Variants in ZBTB4 observed in about 807,000 individuals in gnomAD.
ZBTB4 encodes zinc finger and BTB domain-containing protein 4.
In ZBTB4, 14 loss-of-function variants were observed where a neutral mutation model predicts 59.8. That is an observed-to-expected ratio of 0.23 (90% confidence interval 0.15 to 0.37). The LOEUF is 0.37. ZBTB4 is among the 10% of genes least tolerant of loss of function. The probability of loss-of-function intolerance (pLI) is 1.00; values close to 1 mark genes in which losing one functional copy is unlikely to be tolerated. For synonymous variants in ZBTB4, 587 were observed against 575.2 expected, an observed-to-expected ratio of 1.02 and a Z score of -0.29; for missense variants, 1,198 against 1,380.8, an observed-to-expected ratio of 0.87 and a Z score of 2.10.
At chr17:7,467,088 CTA>C in intron 2 of ZBTB4, 167 bp downstream of exon 2, 1 of 887,500 alleles carries the variant, frequency 1.1e-6, no homozygotes, top group South Asian at 5.2e-5. Flanking sequence ...AAGTCACAGA[CTA>C]GAGATGTAAG....
chr17:7,482,485 A>G (rs372436508), upstream of ZBTB4: 21 of 1,613,908 alleles, frequency 1.3e-5, no homozygotes, highest in Non-Finnish European at 1.8e-5. Flanking sequence ...GCAGCATCCT[A>G]GGACTAATCA....
chr17:7,480,156 G>C (rs1178307379), upstream of ZBTB4, among the ~76,000 whole-genome samples: 1 of 152,092 alleles, frequency 6.6e-6, no homozygotes, highest in East Asian at 1.9e-4. Context: ...GGGCACACAC[G>C]AACGACCACC....
At chr17:7,473,366 C>T (rs2070226457) in intron 1 of ZBTB4, among the ~76,000 whole-genome samples, 1 of 151,986 alleles carries the variant, frequency 6.6e-6, no homozygotes, top group Non-Finnish European at 1.5e-5. Context: ...CTGCCCACTT[C>T]GGCATCCCAA....
chr17:7,481,400 A>G (rs2150869684), upstream of ZBTB4: 2 of 1,303,254 alleles, frequency 1.5e-6, no homozygotes, highest in Non-Finnish European at 2.0e-6. Context: ...GCGTGCTACC[A>G]CCTCAGGAGA....
upstream of ZBTB4, chr17:7,479,685 C>CA (rs1567692932): frequency 2.0e-5 from 3 of 149,812 alleles, no homozygotes; most frequent in African/African-American, 7.5e-5. Context: ...ACAGTCCCCC[C>CA]CCAGCGCCGC....
chr17:7,472,363 G>C (rs2070210155), intron 1 of ZBTB4, among the ~76,000 whole-genome samples: 1 of 151,966 alleles, frequency 6.6e-6, no homozygotes, highest in Admixed American at 6.6e-5. Flanking sequence ...GCTAATTTTT[G>C]TATTTTTAGT....
At position 7,461,848 on chromosome 17, in the gene ZBTB4, G is replaced by C; in HGVS notation, c.*92C>G. On this transcript the variant is annotated 3_prime_UTR_variant, in exon 4 of 4. Coordinates refer to ENST00000380599, the MANE Select transcript of ZBTB4 (RefSeq NM_001128833.2). Reference sequence around the variant, plus strand: ...AAGTCCCTGCACAAGAGTGTGAAGGGGCTCCCAAGGGGCAGGGAGGCCAGG... The same window carrying C: ...AAGTCCCTGCACAAGAGTGTGAAGGCGCTCCCAAGGGGCAGGGAGGCCAGG... 1 of 1,204,194 alleles carries C rather than the reference G, an allele frequency of 8.3e-7. No individual in the cohort carries two copies. The highest frequency in any genetic ancestry group is 1.2e-6 in the Non-Finnish European group (1 of 859,572). The allele number at this position is 1,204,194 out of a possible 1,614,324, so 74.6% of individuals were successfully genotyped here. A position where few individuals can be genotyped will look rare whatever the true frequency, so the allele number is the denominator to read the frequency against.
upstream of ZBTB4, chr17:7,483,242 A>G: frequency 1.3e-6 from 1 of 753,174 alleles, no homozygotes; most frequent in South Asian, 1.9e-5. Flanking sequence ...ACTAAGGGGT[A>G]AAGTCTGAGG....
chr17:7,467,285 C>T lies in ZBTB4; in HGVS notation c.-38G>A, dbSNP rs137928317. ...AGAGCACAGCCAACATGGAGTGGGG[C>T]GGGGGGTGGCTCAGCGAGTCCCTTC... On this transcript the variant is annotated 5_prime_UTR_variant, in exon 2 of 4. Coordinates refer to ENST00000380599, the MANE Select transcript of ZBTB4 (RefSeq NM_001128833.2). 6.1e-6 allele frequency: 6 copies of T among 984,382 alleles called. No individual in the cohort carries two copies. Among genetic ancestry groups the T allele is most frequent in the African/African-American group, 3.5e-5 (2 of 57,342 alleles). 61.0% of individuals were successfully genotyped at this position (984,382 alleles called of 1,614,324 possible).
intron 1 of ZBTB4, among the ~76,000 whole-genome samples, chr17:7,479,210 G>C (rs2070310701): frequency 6.6e-6 from 1 of 151,972 alleles, no homozygotes; most frequent in Non-Finnish European, 1.5e-5. Context: ...CCAGGCGATC[G>C]CGTCCCACGG....
At chr17:7,481,911 C>G, upstream of ZBTB4, 1 of 1,524,628 alleles carries the variant, frequency 6.6e-7, no homozygotes. Context: ...GTCCCAGACC[C>G]CATCCTGGCA....
Position 7,466,097 on chromosome 17 carries a change from G to T in ZBTB4, c.705C>A (p.Pro235=). ...TGAAGCTTTTTCCACACTGGGGGCA[G>T]GGGAGGGGCCGCCGGGGCAGGGAGC... ...LQCSLPRRPL[P]CPQCGKSFIH... Residue 235 remains proline (P), a synonymous_variant, in exon 3 of 4, where the codon CCC becomes CCA. Coordinates refer to ENST00000380599, the MANE Select transcript of ZBTB4 (RefSeq NM_001128833.2). The surrounding 1 kb of genome is among the most constrained non-coding windows in gnomAD (Gnocchi z 9.1). The T allele has an allele frequency of 6.2e-7, 1 of 1,606,560 alleles. No individual in the cohort carries two copies. Among genetic ancestry groups the T allele is most frequent in the Non-Finnish European group, 8.5e-7 (1 of 1,175,630 alleles).
At chr17:7,465,262 T>G (rs952230262) in intron 3 of ZBTB4, among the ~76,000 whole-genome samples, 5 of 149,894 alleles carry the variant, frequency 3.3e-5, no homozygotes, top group Non-Finnish European at 5.9e-5. Flanking sequence ...TTCAAGACCA[T>G]CCTGACCAAC....
intron 1 of ZBTB4, among the ~76,000 whole-genome samples, chr17:7,467,844 C>G (rs553812353): frequency 6.6e-6 from 1 of 152,314 alleles, no homozygotes; most frequent in South Asian, 2.1e-4. Flanking sequence ...ATCCTTCCAG[C>G]CCCATAAATC....
upstream of ZBTB4, chr17:7,483,276 G>A (rs1357824841): frequency 3.4e-5 from 20 of 581,626 alleles, no homozygotes; most frequent in Non-Finnish European, 5.6e-5. Flanking sequence ...GGCTGAGGCA[G>A]GGAGGCCGTG....
chr17:7,462,285 C>T lies in ZBTB4; in HGVS notation c.2697G>A (p.Val899=). ...CCATCCGGTCCCCCTCACCAGCCCCCACTGGCCCTTCACTCCCAGATTTTC... is the reference window on the plus strand; with the variant it reads ...CCATCCGGTCCCCCTCACCAGCCCCTACTGGCCCTTCACTCCCAGATTTTC... The part of the protein sequence containing the change: ...GRGKSGSEGP[V]GAGEGDRMEG... Residue 899 remains valine, a synonymous_variant, in exon 4 of 4, where the codon GTG becomes GTA. Transcript: ENST00000380599. This position sits in a 1 kb window ranked among gnomAD's most constrained non-coding sequence, Gnocchi z 7.5. 1 of 1,613,840 alleles carries T rather than the reference C, an allele frequency of 6.2e-7. No individual in the cohort carries two copies. Among genetic ancestry groups the T allele is most frequent in the Non-Finnish European group, 8.5e-7 (1 of 1,179,866 alleles).
In ZBTB4 at chr17:7,463,392, T is replaced by A. The variant is rs771464444; in HGVS notation, c.1590A>T (p.Ala530=). The change falls in exon 4 of 4, where the codon GCA becomes GCT. Residue 530 remains alanine, a synonymous_variant. Transcript: ENST00000380599. The stretch of plus-strand genomic sequence containing the variant: ...CTGTGGCTGGGCTGGTGGGTGTGGC[T>A]GCAGGCTCAGGGGGAGGAGGTGGGT... ...REYPPPPPEP[A]ATPTSPATAV... 71 of 1,594,752 alleles carry A rather than the reference T, an allele frequency of 4.5e-5. No individual in the cohort carries two copies. The highest frequency in any genetic ancestry group is 5.2e-5 in the Non-Finnish European group (61 of 1,170,862).
intron 3 of ZBTB4, among the ~76,000 whole-genome samples, chr17:7,465,087 T>C (rs370247741): frequency 0.017 from 2,320 of 134,964 alleles, 17 homozygotes; most frequent in East Asian, 0.039. Context: ...ACCTGGGAAG[T>C]GGAGCTTGCA....
chr17:7,480,690 A>C (rs1431811995), upstream of ZBTB4, among the ~76,000 whole-genome samples: 1 of 152,092 alleles, frequency 6.6e-6, no homozygotes, highest in Admixed American at 6.6e-5. Flanking sequence ...ACTGCACTCC[A>C]GCCTGGGCGA....
Sources: gnomAD v4.1 joint callset for allele counts (sites outside exome capture counted in the v4.1 genomes callset) on GRCh38, gnomAD v4.1.1 for gene constraint, Gnocchi (gnomAD v3.1) non-coding constraint, MANE v1.5 for transcripts, NCBI Gene and HGNC (gene_info 2026-07-23, HGNC 2026-07-21) for gene names.